The following SLC1A1 variants were observed in gnomAD, a reference collection of about 807,000 sequenced individuals.
SLC1A1 encodes solute carrier family 1 member 1.
A neutral mutation model predicts 53.3 loss-of-function variants in SLC1A1; 43 were observed. The observed-to-expected ratio is 0.81, with a 90% CI of 0.63 to 1.04. The LOEUF (loss-of-function observed/expected upper bound fraction) is 1.04, where lower values mean the gene tolerates loss of function less well. Ranked by LOEUF, SLC1A1 falls within the 50% of genes least tolerant of loss-of-function variation. The pLI is 0.00. For synonymous variants in SLC1A1, 307 were observed against 243.2 expected, an observed-to-expected ratio of 1.26 and a Z score of -2.44; for missense variants, 748 against 664.9, an observed-to-expected ratio of 1.12 and a Z score of -1.37.
intron 1 of SLC1A1, among the ~76,000 whole-genome samples, chr9:4,521,383 G>C (rs1299373894): frequency 6.6e-6 from 1 of 152,158 alleles, no homozygotes; most frequent in Non-Finnish European, 1.5e-5. Flanking sequence ...TGTTTGGAGA[G>C]GGTTTTACTG....
In SLC1A1 at chr9:4,571,552, C is replaced by T. The variant is rs753040160; in HGVS notation, c.583-652C>T. The stretch of plus-strand genomic sequence containing the variant: ...ATTAATTGGGTGTGGGGGCGGATGC[C>T]TGTAATCCCAGCTACTAGGGAGGCT... On this transcript the variant is annotated intron_variant, in intron 6 of 11. Coordinates refer to ENST00000262352, the MANE Select transcript of SLC1A1 (RefSeq NM_004170.6). Among the ~76,000 whole-genome samples, 139 of 152,092 alleles carry T rather than the reference C, an allele frequency of 9.1e-4. 1 individual carries two copies. Among genetic ancestry groups the T allele is most frequent in the Non-Finnish European group, 1.4e-3 (96 of 68,028 alleles).
Position 4,585,905 on chromosome 9 carries a change from G to C in SLC1A1, c.*347G>C, listed in dbSNP as rs758700109. ...TTTCTCATGCATAGACAAGTGTTTT[G>C]GGTTTTTAAAAAAAATATTCTGTCA... On this transcript the variant is annotated 3_prime_UTR_variant, in exon 12 of 12. Transcript: ENST00000262352. 5 of 210,780 alleles carry C rather than the reference G, an allele frequency of 2.4e-5. No homozygotes were observed. The highest frequency in any genetic ancestry group is 1.6e-4 in the Admixed American group (3 of 18,764). The allele number at this position is 210,780 out of a possible 1,614,324, so 13.1% of individuals were successfully genotyped here. A position where few individuals can be genotyped will look rare whatever the true frequency, so the allele number is the denominator to read the frequency against.
chr9:4,564,822 T>G (rs1187016150), intron 4 of SLC1A1, among the ~76,000 whole-genome samples: 1 of 152,148 alleles, frequency 6.6e-6, no homozygotes, highest in African/African-American at 2.4e-5. Flanking sequence ...GAGGGGTAAA[T>G]AGGTCAGTCA....
chr9:4,545,229 C>G lies in SLC1A1; in HGVS notation c.232+522C>G, dbSNP rs532122926. On this transcript the variant is annotated intron_variant, in intron 2 of 11. Transcript: ENST00000262352. ...TCTCTCTCTCTCTCTCCACCTCTCT[C>G]CACTTGGAATGTCTATATTTGCTTC... Among the ~76,000 whole-genome samples the G allele has an allele frequency of 8.6e-5, 13 of 151,684 alleles. No individual in the cohort carries two copies. In the East Asian group the frequency reaches 1.7e-3, roughly 20 times the overall value.
At chr9:4,585,246 A>G (rs1821483479) in intron 11 of SLC1A1, 66 bp from the exon 12 acceptor site, 4 of 1,596,990 alleles carry the variant, frequency 2.5e-6, no homozygotes, top group South Asian at 1.1e-5. Flanking sequence ...AGGTCCTTGC[A>G]TCTCTCCAGT....
At chr9:4,540,552 C>T (rs1816916723) in intron 1 of SLC1A1, among the ~76,000 whole-genome samples, 1 of 152,160 alleles carries the variant, frequency 6.6e-6, no homozygotes, top group Non-Finnish European at 1.5e-5. Context: ...TAATGGGCAC[C>T]CACTAGACAC....
At chr9:4,513,297 T>C (rs1327825098) in intron 1 of SLC1A1, among the ~76,000 whole-genome samples, 1 of 152,166 alleles carries the variant, frequency 6.6e-6, no homozygotes, top group Admixed American at 6.5e-5. Flanking sequence ...TTGCAGATCA[T>C]ATATCCAACT....
chr9:4,551,739 A>C (rs894177345), intron 2 of SLC1A1, among the ~76,000 whole-genome samples: 1 of 152,214 alleles, frequency 6.6e-6, no homozygotes, highest in Non-Finnish European at 1.5e-5. Context: ...CTGAGAGTGA[A>C]CTTCTTGCCT....
Position 4,576,018 on chromosome 9 carries a change from T to C in SLC1A1, c.893T>C (p.Ile298Thr), listed in dbSNP as rs376139002. 77 of 1,614,140 alleles carry C rather than the reference T, an allele frequency of 4.8e-5. 1 individual carries two copies. Among genetic ancestry groups the C allele is most frequent in the South Asian group, 2.2e-4 (20 of 91,082 alleles). ...TVLTGLAIHS[I>T]VILPLIYFIV... ...GTTTACAGGCTTGCAATCCACTCCA[T>C]TGTAATTCTCCCGCTGATATATTTC... The change falls in exon 9 of 12, where the codon ATT becomes ACT. Residue 298 changes from isoleucine (I) to threonine (T), a missense_variant. Physicochemically the swap from Ile to Thr is moderately conservative, Grantham distance 89. Transcript: ENST00000262352.
At position 4,576,590 on chromosome 9, in the gene SLC1A1, C is replaced by T; in HGVS notation, c.1020C>T (p.Thr340=). 1.2e-6 allele frequency: 2 copies of T among 1,614,166 alleles called. No individual in the cohort carries two copies. The highest frequency in any genetic ancestry group is 1.7e-6 in the Non-Finnish European group (2 of 1,179,972). ...ISSSSATLPV[T]FRCAEENNQV... ...ACAGTTCAGCAACACTGCCTGTCAC[C>T]TTCCGCTGTGCTGAAGAAAATAACC... Residue 340 remains threonine, a synonymous_variant, in exon 10 of 12, where the codon ACC becomes ACT. Coordinates refer to ENST00000262352, the MANE Select transcript of SLC1A1 (RefSeq NM_004170.6).
At chr9:4,531,217 G>A (rs1486827487) in intron 1 of SLC1A1, among the ~76,000 whole-genome samples, 1 of 152,252 alleles carries the variant, frequency 6.6e-6, no homozygotes, top group African/African-American at 2.4e-5. Context: ...GTGCAGGACA[G>A]TGGGTGCAGT....
At chr9:4,508,628 A>C (rs937086504) in intron 1 of SLC1A1, among the ~76,000 whole-genome samples, 2 of 152,130 alleles carry the variant, frequency 1.3e-5, no homozygotes, top group Non-Finnish European at 2.9e-5. Context: ...TTTATGACAC[A>C]CTTCTGGGTT....
At position 4,578,375 on chromosome 9, in the gene SLC1A1, T is replaced by C. The variant is rs377591267; in HGVS notation, c.1193+1612T>C. 5.9e-5 allele frequency among the ~76,000 whole-genome samples: 9 copies of C among 152,342 alleles called. No homozygotes were observed. The South Asian group carries it at 1.0e-3, about 18-fold the overall frequency. The stretch of plus-strand genomic sequence containing the variant: ...AATTAAGTAATATGCATATAAAATG[T>C]TTATAACTGTGCCTATGTAGTGAGT... On this transcript the variant is annotated intron_variant, in intron 10 of 11. Transcript: ENST00000262352.
At chr9:4,567,830 G>C (rs1232238830) in intron 6 of SLC1A1, 63 bp downstream of exon 6, 19 of 1,006,854 alleles carry the variant, frequency 1.9e-5, no homozygotes, top group Non-Finnish European at 2.8e-5. Flanking sequence ...GACTGAGCAG[G>C]AAATACAATC....
At chr9:4,559,802 T>C (rs1178863307) in intron 2 of SLC1A1, 1 of 152,216 alleles carries the variant, frequency 6.6e-6, no homozygotes, top group Non-Finnish European at 1.5e-5. Flanking sequence ...GGCTTGGTAG[T>C]GTCTGAAACC....
rs1402998755 is a variant in SLC1A1 at position 4,537,419 on chromosome 9, C to T, written c.92-7148C>T. On this transcript the variant is annotated intron_variant, in intron 1 of 11. Transcript: ENST00000262352. Reference sequence around the variant, plus strand: ...CTAAAAATACAAAAAATTAGCCGGGCGCGGTGGCGGGCGCCTGTAGTCCCA... The same window carrying T: ...CTAAAAATACAAAAAATTAGCCGGGTGCGGTGGCGGGCGCCTGTAGTCCCA... 9.4e-5 allele frequency among the ~76,000 whole-genome samples: 9 copies of T among 96,192 alleles called. 4 individuals carry two copies. Among genetic ancestry groups the T allele is most frequent in the Non-Finnish European group, 2.0e-4 (9 of 44,064 alleles). The allele number at this position is 96,192 out of a possible 152,430, so 63.1% of individuals were successfully genotyped here.
At chr9:4,518,971 G>C (rs530331685) in intron 1 of SLC1A1, among the ~76,000 whole-genome samples, 1 of 152,142 alleles carries the variant, frequency 6.6e-6, no homozygotes, top group African/African-American at 2.4e-5. Flanking sequence ...GTTTGGGCCC[G>C]GTTGTGTCTA....
chr9:4,522,302 C>A (rs761202562), intron 1 of SLC1A1, among the ~76,000 whole-genome samples: 1 of 152,054 alleles, frequency 6.6e-6, no homozygotes. Flanking sequence ...CTGCCCGCCT[C>A]AGCCTCCCAA....
At chr9:4,498,110 A>C (rs569124215) in intron 1 of SLC1A1, among the ~76,000 whole-genome samples, 3 of 152,168 alleles carry the variant, frequency 2.0e-5, no homozygotes, top group Admixed American at 6.5e-5. Flanking sequence ...AAGAACCTTT[A>C]GCTTTATGAC....
Sources: gnomAD v4.1 joint callset for allele counts (sites outside exome capture counted in the v4.1 genomes callset) on GRCh38, gnomAD v4.1.1 for gene constraint, MANE v1.5 for transcripts, NCBI Gene and HGNC (gene_info 2026-07-23, HGNC 2026-07-21) for gene names.